Variants in FN1 observed in about 807,000 individuals in gnomAD.
FN1 encodes the protein fibronectin.
A neutral mutation model predicts 297.3 loss-of-function variants in FN1; 106 were observed. The ratio of observed to expected loss-of-function variants is 0.36; its 90% CI spans 0.30 to 0.42. The LOEUF is 0.42. FN1 is among the 10% of genes least tolerant of loss of function. The probability of loss-of-function intolerance (pLI) is 1.00; values close to 1 mark genes in which losing one functional copy is unlikely to be tolerated. For missense variants in FN1, 2,690 were observed against 3,124.9 expected, an observed-to-expected ratio of 0.86 and a Z score of 3.32; for synonymous variants, 1,149 against 1,152.6, an observed-to-expected ratio of 1.00 and a Z score of 0.06.
In FN1 at chr2:215,378,219, G is replaced by A. The variant is rs753670973; in HGVS notation, c.5666C>T (p.Thr1889Ile). The change falls in exon 35 of 46, where the codon ACT becomes ATT. Residue 1889 changes from threonine (T) to isoleucine (I), a missense_variant. Thr to Ile is a moderately conservative substitution (Grantham distance 89, BLOSUM62 -1). Coordinates refer to ENST00000354785, the MANE Select transcript of FN1 (RefSeq NM_212482.4). ...YEVSVYALKD[T>I]LTSRPAQGVV... ...TCCCTGAGCTGGTCTGCTTGTCAAA[G>A]TGTCCTTAAGAGCATAGACACTCAC... 2 of 1,612,444 alleles carry A rather than the reference G, an allele frequency of 1.2e-6. No individual in the cohort carries two copies. Among genetic ancestry groups the A allele is most frequent in the South Asian group, 2.2e-5 (2 of 91,072 alleles).
Position 215,380,756 on chromosome 2 carries a change from T to C in FN1, c.5434+55A>G, listed in dbSNP as rs1177674599. The C allele has an allele frequency of 7.5e-6, 12 of 1,595,238 alleles. No homozygotes were observed. The African/African-American group carries it at 8.0e-5, about 11-fold the overall frequency. On this transcript the variant is annotated intron_variant, in intron 33 of 45. Coordinates refer to ENST00000354785, the MANE Select transcript of FN1 (RefSeq NM_212482.4). ...GCCCAGTGAAGCATAATTCATTCAG[T>C]AGGGCATAAAGCCGCTGCTCCCATG...
chr2:215,423,261 A>C, intron 9 of FN1, 89 bp downstream of exon 9: 1 of 1,369,388 alleles, frequency 7.3e-7, no homozygotes, highest in Non-Finnish European at 1.0e-6. Flanking sequence ...GTGTTAATGA[A>C]TGAAATGGGA....
intron 26 of FN1, among the ~76,000 whole-genome samples, chr2:215,389,399 A>T (rs997789806): frequency 6.6e-6 from 1 of 150,850 alleles, no homozygotes; most frequent in Non-Finnish European, 1.5e-5. Flanking sequence ...CACTGTGCCC[A>T]GCTTCTTCTT....
chr2:215,426,143 CTTTTTTTTTTTTTT>C (rs58002948), intron 6 of FN1, among the ~76,000 whole-genome samples: 57 of 101,092 alleles, frequency 5.6e-4, no homozygotes, highest in African/African-American at 1.9e-3. Flanking sequence ...TTTCTTTTTT[CTTTTTTTTTTTTTT>C]TTTTTTTTTG....
chr2:215,372,490 A>G (rs1232911632), intron 39 of FN1, 115 bp from the exon 40 acceptor site: 3 of 801,876 alleles, frequency 3.7e-6, no homozygotes, highest in Non-Finnish European at 6.4e-6. Context: ...GATAAAAGCC[A>G]CCAGAAAATG....
intron 5 of FN1, among the ~76,000 whole-genome samples, chr2:215,428,551 T>C (rs1476796279): frequency 4.6e-5 from 7 of 152,234 alleles, no homozygotes; most frequent in African/African-American, 1.7e-4. Flanking sequence ...TAGTTTCATC[T>C]CTCTGTCAAA....
At chr2:215,405,719 G>A (rs543626943) in intron 19 of FN1, among the ~76,000 whole-genome samples, 3 of 152,114 alleles carry the variant, frequency 2.0e-5, no homozygotes, top group Non-Finnish European at 2.9e-5. Context: ...CTCCAGCCCT[G>A]GCGACAGAGC....
intron 23 of FN1, 102 bp downstream of exon 23, chr2:215,397,035 G>T: frequency 1.2e-6 from 1 of 833,102 alleles, no homozygotes; most frequent in Non-Finnish European, 2.1e-6. Context: ...CTAAGCATTT[G>T]TAATTTGAAT....
intron 12 of FN1, among the ~76,000 whole-genome samples, chr2:215,418,380 C>T (rs907695174): frequency 1.3e-5 from 2 of 152,188 alleles, no homozygotes; most frequent in African/African-American, 4.8e-5. Context: ...TTCTCTGTCA[C>T]AGTGAATCTT....
At chr2:215,382,183 A>G (rs773722336) in intron 32 of FN1, 29 bp downstream of exon 32, 12 of 1,506,720 alleles carry the variant, frequency 8.0e-6, no homozygotes, top group South Asian at 3.4e-5. Context: ...TTTGACTTTG[A>G]AAATGGAAAC....
At position 215,365,637 on chromosome 2, in the gene FN1, G is replaced by C. The variant is rs778923755; in HGVS notation, c.7019-7C>G. On this transcript the variant is annotated splice_region_variant and splice_polypyrimidine_tract_variant and intron_variant, in intron 42 of 45. Coordinates refer to ENST00000354785, the MANE Select transcript of FN1 (RefSeq NM_212482.4). The stretch of plus-strand genomic sequence containing the variant: ...CCATTGTCATGGCACCATCCTGTAG[G>C]GGTGGGGAAAGTCAGGACCAAAAAG... The C allele has an allele frequency of 1.2e-6, 2 of 1,613,756 alleles. No homozygotes were observed. Among genetic ancestry groups the C allele is most frequent in the African/African-American group, 2.7e-5 (2 of 74,884 alleles).
chr2:215,434,376 C>A (rs1355747421), intron 2 of FN1, among the ~76,000 whole-genome samples: 1 of 150,706 alleles, frequency 6.6e-6, no homozygotes, highest in Admixed American at 6.7e-5. Flanking sequence ...AGATTTGAGA[C>A]TGCTTTCTAA....
rs776031260 is a variant in FN1 at position 215,409,916 on chromosome 2, G to A, written c.2122+18C>T. On this transcript the variant is annotated intron_variant, in intron 14 of 45. Transcript: ENST00000354785. Reference sequence around the variant, plus strand: ...GGAACCTCGGGGGTAGGAGGCATGAGGGTGGTTGTGTACATACTGGTCACA... The same window carrying A: ...GGAACCTCGGGGGTAGGAGGCATGAAGGTGGTTGTGTACATACTGGTCACA... 10 of 1,613,614 alleles carry A rather than the reference G, an allele frequency of 6.2e-6. No homozygotes were observed. Among genetic ancestry groups the A allele is most frequent in the Admixed American group, 1.7e-5 (1 of 60,010 alleles).
chr2:215,409,726 T>C lies in FN1; in HGVS notation c.2136A>G (p.Thr712=), dbSNP rs141886521. 6 of 1,613,894 alleles carry C rather than the reference T, an allele frequency of 3.7e-6. No individual in the cohort carries two copies. The highest frequency in any genetic ancestry group is 2.2e-5 in the East Asian group (1 of 44,890). Residue 712 remains threonine, a synonymous_variant, in exon 15 of 46, where the codon ACA becomes ACG. Transcript: ENST00000354785. Reference sequence around the variant, plus strand: ...GAGGAGAAAAGGGAGTCGTCTCTCCTGTCACGGTGTTGCCTAGAGAGTCAC... The same window carrying C: ...GAGGAGAAAAGGGAGTCGTCTCTCCCGTCACGGTGTTGCCTAGAGAGTCAC... ...TSTPVTSNTV[T]GETTPFSPLV... is the part of the protein sequence containing the mutation.
chr2:215,397,661 G>C lies in FN1; in HGVS notation c.3517+19C>G. 6.2e-7 allele frequency: 1 copy of C among 1,611,702 alleles called. No individual in the cohort carries two copies. The highest frequency in any genetic ancestry group is 1.1e-5 in the South Asian group (1 of 90,982). Reference sequence around the variant, plus strand: ...AACAGTTTTAAAAACTAATAGAAAAGGGAAAAAATTCTTCTTACGTGTCAC... The same window carrying C: ...AACAGTTTTAAAAACTAATAGAAAACGGAAAAAATTCTTCTTACGTGTCAC... On this transcript the variant is annotated intron_variant, in intron 22 of 45. Coordinates refer to ENST00000354785, the MANE Select transcript of FN1 (RefSeq NM_212482.4).
chr2:215,421,986 A>C, intron 10 of FN1, 105 bp downstream of exon 10: 2 of 1,094,476 alleles, frequency 1.8e-6, no homozygotes, highest in Non-Finnish European at 2.8e-6. Flanking sequence ...GTGGCATTCC[A>C]TATTTCTTCC....
chr2:215,431,756 A>T, intron 4 of FN1, 77 bp downstream of exon 4: 1 of 1,439,328 alleles, frequency 6.9e-7, no homozygotes, highest in East Asian at 2.3e-5. Context: ...TCTATGACCT[A>T]TGTAGATGTG....
intron 31 of FN1, among the ~76,000 whole-genome samples, chr2:215,382,802 G>C (rs1338967824): frequency 6.6e-6 from 1 of 152,072 alleles, no homozygotes; most frequent in Non-Finnish European, 1.5e-5. Context: ...AACTATCCAT[G>C]TAAAAACAGA....
intron 5 of FN1, 39 bp from the exon 6 acceptor site, chr2:215,428,377 G>A: frequency 6.3e-7 from 1 of 1,597,834 alleles, no homozygotes; most frequent in Non-Finnish European, 8.6e-7. Context: ...ATCAGGTCGA[G>A]AGTCGCAAGT....
Sources: allele counts gnomAD v4.1 joint callset (sites outside exome capture counted in the v4.1 genomes callset), GRCh38; gene constraint gnomAD v4.1.1; transcripts MANE v1.5; gene names NCBI Gene and HGNC (gene_info 2026-07-23, HGNC 2026-07-21).